Variants in ARHGAP26 observed in about 807,000 individuals in gnomAD.
The protein encoded by ARHGAP26 is rho GTPase-activating protein 26.
A neutral mutation model predicts 104.8 loss-of-function variants in ARHGAP26; 38 were observed. That is an observed-to-expected ratio of 0.36 (90% CI 0.28 to 0.48). The LOEUF (loss-of-function observed/expected upper bound fraction) is 0.48, where lower values mean the gene tolerates loss of function less well. Ranked by LOEUF, ARHGAP26 falls within the 20% of genes least tolerant of loss-of-function variation. ARHGAP26 has a pLI of 0.99. For synonymous variants in ARHGAP26, 341 were observed against 340.0 expected (o/e 1.00, Z -0.03); for missense variants, 704 against 947.9 (o/e 0.74, Z 3.38).
intron 11 of ARHGAP26, among the ~76,000 whole-genome samples, chr5:142,978,283 C>T (rs1467862372): frequency 6.6e-6 from 1 of 152,166 alleles, no homozygotes. Context: ...TAAATTCATT[C>T]TCCACTTCTT....
At chr5:143,011,693 A>G (rs182187470) in intron 11 of ARHGAP26, among the ~76,000 whole-genome samples, 1 of 152,220 alleles carries the variant, frequency 6.6e-6, no homozygotes. Flanking sequence ...TGTGTGGCTC[A>G]ATTTGGAAAC....
rs1388370371 is a variant in ARHGAP26, at chr5:142,881,472, A to T, written c.384+2027A>T. ...TGACATACTAGAATAAAAGAATTTAAGTAGTCACTCACCAAAGCATGTTTC... is the reference window on the plus strand; with the variant it reads ...TGACATACTAGAATAAAAGAATTTATGTAGTCACTCACCAAAGCATGTTTC... On this transcript the variant is annotated intron_variant, in intron 4 of 22. Coordinates refer to ENST00000645722, the MANE Select transcript of ARHGAP26 (RefSeq NM_001135608.3). Among the ~76,000 whole-genome samples the T allele has an allele frequency of 2.0e-5, 3 of 152,160 alleles. No homozygotes were observed. In the East Asian group the frequency reaches 5.8e-4, roughly 29 times the overall value.
At chr5:143,090,200 T>G (rs1384159320) in intron 17 of ARHGAP26, among the ~76,000 whole-genome samples, 1 of 152,246 alleles carries the variant, frequency 6.6e-6, no homozygotes, top group Admixed American at 6.5e-5. Context: ...GAGCGTGGCA[T>G]GACTTGTTAC....
At chr5:142,959,678 C>T (rs1397169352) in intron 11 of ARHGAP26, among the ~76,000 whole-genome samples, 1 of 152,214 alleles carries the variant, frequency 6.6e-6, no homozygotes, top group South Asian at 2.1e-4. Flanking sequence ...GAGAAAACTT[C>T]CTGCTTTTAA....
intron 1 of ARHGAP26, among the ~76,000 whole-genome samples, chr5:142,862,459 C>A (rs1399118128): frequency 1.3e-5 from 2 of 152,190 alleles, no homozygotes. Flanking sequence ...AAAAGTTTTA[C>A]AATTATTTTG....
chr5:142,996,368 C>T (rs926371174), intron 11 of ARHGAP26, among the ~76,000 whole-genome samples: 1 of 152,048 alleles, frequency 6.6e-6, no homozygotes, highest in African/African-American at 2.4e-5. Flanking sequence ...TGGCATGTGC[C>T]TGTAATCCCA....
At chr5:143,007,548 T>C (rs376762063) in intron 11 of ARHGAP26, among the ~76,000 whole-genome samples, 25 of 152,232 alleles carry the variant, frequency 1.6e-4, no homozygotes, top group African/African-American at 6.0e-4. Flanking sequence ...GTTTTTCCTC[T>C]GGAAAGCAGG....
At chr5:143,089,863 C>T (rs922023594) in intron 17 of ARHGAP26, among the ~76,000 whole-genome samples, 7 of 152,136 alleles carry the variant, frequency 4.6e-5, no homozygotes, top group Non-Finnish European at 8.8e-5. Context: ...TCTCGCTTCA[C>T]GATGTCTTAT....
At chr5:142,973,375 T>A (rs1772565105) in intron 11 of ARHGAP26, among the ~76,000 whole-genome samples, 1 of 152,170 alleles carries the variant, frequency 6.6e-6, no homozygotes, top group South Asian at 2.1e-4. Context: ...ATCCAAAACT[T>A]CTTGAATAAT....
At chr5:143,002,857 A>G (rs1325108240) in intron 11 of ARHGAP26, among the ~76,000 whole-genome samples, 1 of 152,264 alleles carries the variant, frequency 6.6e-6, no homozygotes, top group Non-Finnish European at 1.5e-5. Context: ...AGGAAATTGC[A>G]TAACATTGCA....
chr5:142,809,675 T>A (rs1211096638), intron 1 of ARHGAP26, among the ~76,000 whole-genome samples: 8 of 152,234 alleles, frequency 5.3e-5, no homozygotes, highest in Non-Finnish European at 4.4e-5. Flanking sequence ...AAAATAATCT[T>A]ACAGTCATGC....
chr5:142,782,247 T>A (rs1250123885), intron 1 of ARHGAP26, among the ~76,000 whole-genome samples: 2 of 152,154 alleles, frequency 1.3e-5, no homozygotes, highest in East Asian at 3.9e-4. Context: ...GGCATGCAGG[T>A]GGAGACACCC....
intron 20 of ARHGAP26, among the ~76,000 whole-genome samples, chr5:143,175,472 G>C (rs1803348369): frequency 6.6e-6 from 1 of 152,018 alleles, no homozygotes; most frequent in African/African-American, 2.4e-5. Context: ...GATATTTTCA[G>C]AAATGTTTTA....
At chr5:143,084,372 A>G (rs139974213) in intron 17 of ARHGAP26, among the ~76,000 whole-genome samples, 143 of 152,338 alleles carry the variant, frequency 9.4e-4, no homozygotes, top group African/African-American at 3.0e-3. Context: ...TTGATTGGCA[A>G]TGGCTCATAG....
At chr5:142,919,289 C>T in intron 10 of ARHGAP26, 2 of 398,576 alleles carry the variant, frequency 5.0e-6, no homozygotes, top group South Asian at 1.3e-4. Context: ...AGGTGATGCA[C>T]CTACAAGCCA....
chr5:142,894,402 A>G (rs1759171655), intron 6 of ARHGAP26, 54 bp downstream of exon 6: 1 of 1,490,842 alleles, frequency 6.7e-7, no homozygotes, highest in Admixed American at 1.8e-5. Flanking sequence ...CCCTCATTCT[A>G]ACTAGTAGTA....
At chr5:142,771,311 T>A in intron 1 of ARHGAP26, 1 of 1,234,076 alleles carries the variant, frequency 8.1e-7, no homozygotes, top group Non-Finnish European at 1.0e-6. Flanking sequence ...TGCTCAGCCT[T>A]GAGTGCCCAA....
intron 11 of ARHGAP26, among the ~76,000 whole-genome samples, chr5:142,969,637 T>C (rs1771940608): frequency 6.6e-6 from 1 of 152,230 alleles, no homozygotes; most frequent in South Asian, 2.1e-4. Context: ...CAATGAAATA[T>C]TAGAAATGCT....
intron 17 of ARHGAP26, among the ~76,000 whole-genome samples, chr5:143,106,385 TTG>T (rs1299472696): frequency 1.3e-5 from 2 of 151,946 alleles, no homozygotes; most frequent in African/African-American, 4.8e-5. Context: ...CAGCTTCCAG[TTG>T]TACTTAGCAG....
Sources: gnomAD v4.1 joint callset for allele counts (sites outside exome capture counted in the v4.1 genomes callset) on GRCh38, gnomAD v4.1.1 for gene constraint, MANE v1.5 for transcripts, NCBI Gene and HGNC (gene_info 2026-07-23, HGNC 2026-07-21) for gene names.